The following FAM186A variants were observed in gnomAD, a reference collection of about 807,000 sequenced individuals.
The protein encoded by FAM186A is family with sequence similarity 186 member A.
In FAM186A, 163 loss-of-function variants were observed where a neutral mutation model predicts 216.8. The ratio of observed to expected loss-of-function variants is 0.75; its 90% CI spans 0.66 to 0.86. The LOEUF is 0.86. FAM186A is among the 40% of genes least tolerant of loss of function. The pLI, the probability that FAM186A is intolerant of heterozygous loss-of-function variation, is 0.00. For synonymous variants in FAM186A, 805 were observed against 1,025.3 expected (o/e 0.79, Z 4.10); for missense variants, 2,184 against 2,746.2 (o/e 0.80, Z 4.58).
intron 1 of FAM186A, among the ~76,000 whole-genome samples, chr12:50,384,653 A>G (rs1943285238): frequency 9.8e-6 from 1 of 102,410 alleles, no homozygotes; most frequent in South Asian, 3.3e-4. Flanking sequence ...CACATTTCAC[A>G]GTCGATTGAT....
Position 50,330,751 on chromosome 12 carries a change from C to T in FAM186A, c.6856G>A (p.Glu2286Lys). ...SDICKKFRQQ[E>K]DQTEAIWNVD... ...TTCCAGATGGCCTCTGTCTGGTCCT[C>T]TTGTTGCCTACAGAATCAGCATAAA... Residue 2286 changes from glutamate (E) to lysine (K), a missense_variant, in exon 7 of 8, where the codon GAG becomes AAG. Glu to Lys is a moderately conservative substitution (Grantham distance 56). Transcript: ENST00000327337. The T allele has an allele frequency of 3.3e-6, 5 of 1,516,566 alleles. No individual in the cohort carries two copies. Among genetic ancestry groups the T allele is most frequent in the Non-Finnish European group, 3.5e-6 (4 of 1,135,202 alleles). 93.9% of individuals were successfully genotyped at this position (1,516,566 alleles called of 1,614,324 possible). A position where few individuals can be genotyped will look rare whatever the true frequency, so the allele number is the denominator to read the frequency against.
intron 1 of FAM186A, chr12:50,366,164 A>G (rs984440847): frequency 1.7e-5 from 10 of 593,020 alleles, no homozygotes; most frequent in Non-Finnish European, 2.7e-5. Context: ...TTGCCAAACA[A>G]ATCATCATGC....
intron 1 of FAM186A, chr12:50,366,140 A>G (rs4768854): frequency 0.99 from 565,314 of 569,378 alleles, 280,763 homozygotes; most frequent in East Asian, 1. Context: ...AAAAAAAAGA[A>G]TAAGATTTGG....
chr12:50,376,596 G>A (rs1423992669), intron 1 of FAM186A, among the ~76,000 whole-genome samples: 1 of 152,162 alleles, frequency 6.6e-6, no homozygotes, highest in Non-Finnish European at 1.5e-5. Context: ...GGAAGTGCAT[G>A]CTGACTGGTC....
chr12:50,346,675 G>A (rs1019866892), intron 4 of FAM186A, among the ~76,000 whole-genome samples: 1 of 151,674 alleles, frequency 6.6e-6, no homozygotes, highest in East Asian at 2.0e-4. Flanking sequence ...GTGAAACCCC[G>A]TCTCTACTAA....
rs1470853976 is a variant in FAM186A, at chr12:50,352,687, T to G, written c.4145A>C (p.Glu1382Ala). 2.3e-5 allele frequency: 34 copies of G among 1,466,926 alleles called. No individual in the cohort carries two copies. Among genetic ancestry groups the G allele is most frequent in the African/African-American group, 1.8e-4 (10 of 55,870 alleles). The allele number at this position is 1,466,926 out of a possible 1,614,324, so 90.9% of individuals were successfully genotyped here. ...CTGAGGGGTGAGAGGGATCCCCAGTTCCTGAGCCTGCTGAGTGGTGAGAGG... is the reference window on the plus strand; with the variant it reads ...CTGAGGGGTGAGAGGGATCCCCAGTGCCTGAGCCTGCTGAGTGGTGAGAGG... ...GMPLTTQQAQELGIPLTPQQA... is the reference protein window; with the variant it reads ...GMPLTTQQAQALGIPLTPQQA... The change falls in exon 4 of 8, where the codon GAA (glutamate) becomes GCA (alanine). Residue 1382 changes from glutamate (E) to alanine (A), a missense_variant. Physicochemically the swap from Glu to Ala is moderately radical, Grantham distance 107. Transcript: ENST00000327337.
intron 1 of FAM186A, among the ~76,000 whole-genome samples, chr12:50,368,777 A>T (rs971003482): frequency 3.9e-5 from 6 of 152,178 alleles, no homozygotes; most frequent in African/African-American, 1.4e-4. Flanking sequence ...CTTATTCCAA[A>T]GCTACATTAA....
At position 50,351,870 on chromosome 12, in the gene FAM186A, TA is replaced by T; in HGVS notation, c.4961del (p.Val1654GlufsTer22). ...GAGTGACAGCTGACACCCAGGCATT[TA>T]CTGGGGTGATGGGGACTCCCAGTGC... is the stretch of plus-strand genomic sequence containing the variant. ...AQALGVPITP[V>X]NAWVSAVTLT... is the part of the protein sequence containing the mutation. On this transcript the variant is annotated frameshift_variant, in exon 4 of 8. Coordinates refer to ENST00000327337, the MANE Select transcript of FAM186A (RefSeq NM_001145475.3). LOFTEE classifies it high-confidence loss of function. The T allele has an allele frequency of 6.5e-7, 1 of 1,545,160 alleles. No homozygotes were observed. The highest frequency in any genetic ancestry group is 8.7e-7 in the Non-Finnish European group (1 of 1,143,592).
chr12:50,382,513 A>G (rs1158852724), intron 1 of FAM186A, among the ~76,000 whole-genome samples: 1 of 152,082 alleles, frequency 6.6e-6, no homozygotes, highest in African/African-American at 2.4e-5. Context: ...CAGCCTGGCC[A>G]ACATGGTGAA....
chr12:50,354,414 T>C lies in FAM186A; in HGVS notation c.2418A>G (p.Pro806=), dbSNP rs1942949553. 6.4e-7 allele frequency: 1 copy of C among 1,551,500 alleles called. No individual in the cohort carries two copies. Among genetic ancestry groups the C allele is most frequent in the Non-Finnish European group, 8.7e-7 (1 of 1,147,000 alleles). Residue 806 remains proline (P), a synonymous_variant, in exon 4 of 8, where the codon CCA becomes CCG. Transcript: ENST00000327337. ...GGTCTTTCTGTACTGTTGAGACTGT[T>C]GGAATATCTCTTTCACTTTCTATTT... is the stretch of plus-strand genomic sequence containing the variant. ...LAEIESERDI[P]TVSTVQKDHK... is the part of the protein sequence containing the mutation.
At chr12:50,327,479 A>T (rs1942616840) in intron 7 of FAM186A, 75 bp from the exon 8 acceptor site, 1 of 1,137,552 alleles carries the variant, frequency 8.8e-7, no homozygotes. Context: ...GGTGAGTCAT[A>T]GGGAAAATAA....
rs1449917085 is a variant in FAM186A at position 50,353,453 on chromosome 12, G to T, written c.3379C>A (p.Gln1127Lys). The change falls in exon 4 of 8, where the codon CAG becomes AAG. Residue 1127 changes from glutamine (Q) to lysine (K), a missense_variant. Gln to Lys is a moderately conservative substitution (Grantham distance 53). Transcript: ENST00000327337. ...AGAGGGATCCCCAGGGCCTGCGCCT[G>T]CTGAGGGGTGAAAAGGATCTCCAGG... is the stretch of plus-strand genomic sequence containing the variant. ...QALEILFTPQ[Q>K]AQALGIPLTP... The T allele has an allele frequency of 6.5e-7, 1 of 1,528,378 alleles. No homozygotes were observed. The highest frequency in any genetic ancestry group is 1.2e-5 in the South Asian group (1 of 80,442). The allele number at this position is 1,528,378 out of a possible 1,614,324, so 94.7% of individuals were successfully genotyped here. A position where few individuals can be genotyped will look rare whatever the true frequency, so the allele number is the denominator to read the frequency against.
Position 50,353,678 on chromosome 12 carries a change from G to T in FAM186A, c.3154C>A (p.Pro1052Thr), listed in dbSNP as rs560363822. Residue 1052 changes from proline to threonine, a missense_variant, in exon 4 of 8, where the codon CCC becomes ACC. Transcript: ENST00000327337. ...CCAGGCAGGGAGTATTGTAGGGAGG[G>T]GGGAGGTGTGATTGATATGGGCTCC... ...EKEPISITPP[P>T]SLQYSLPGAL... The T allele has an allele frequency of 3.3e-6, 5 of 1,538,000 alleles. No individual in the cohort carries two copies. The African/African-American group carries it at 4.1e-5, about 13-fold the overall frequency.
intron 1 of FAM186A, among the ~76,000 whole-genome samples, chr12:50,370,779 A>C (rs1943136166): frequency 6.6e-6 from 1 of 152,112 alleles, no homozygotes; most frequent in Admixed American, 6.6e-5. Flanking sequence ...ATGGATAAAC[A>C]AAATGTGGTA....
intron 4 of FAM186A, among the ~76,000 whole-genome samples, chr12:50,341,870 G>T (rs1396541218): frequency 6.6e-6 from 1 of 151,704 alleles, no homozygotes; most frequent in East Asian, 1.9e-4. Flanking sequence ...AGCTGTCAAA[G>T]AACTCCCTTC....
At chr12:50,357,516 A>AAAAAAAAAAAAAAG (rs1555216836) in intron 3 of FAM186A, among the ~76,000 whole-genome samples, 1 of 142,398 alleles carries the variant, frequency 7.0e-6, no homozygotes. Flanking sequence ...AAAAAAAAAA[A>AAAAAAAAAAAAAAG]AAGACACACA....
At chr12:50,379,745 C>T (rs1943237457) in intron 1 of FAM186A, among the ~76,000 whole-genome samples, 2 of 151,636 alleles carry the variant, frequency 1.3e-5, no homozygotes, top group Admixed American at 1.3e-4. Context: ...AAGATCGCGC[C>T]ATTGCACTCC....
intron 1 of FAM186A, among the ~76,000 whole-genome samples, chr12:50,378,867 C>A (rs1301537856): frequency 6.6e-6 from 1 of 152,038 alleles, no homozygotes; most frequent in African/African-American, 2.4e-5. Context: ...GGAGGTACAG[C>A]TTCAACCATA....
chr12:50,330,510 A>C (rs1230351362), intron 7 of FAM186A, 63 bp downstream of exon 7: 1 of 1,499,302 alleles, frequency 6.7e-7, no homozygotes. Flanking sequence ...AAGTCAAGTT[A>C]GGGAACCAAA....
Sources: allele counts gnomAD v4.1 joint callset (sites outside exome capture counted in the v4.1 genomes callset), GRCh38; gene constraint gnomAD v4.1.1; transcripts MANE v1.5; gene names NCBI Gene and HGNC (gene_info 2026-07-23, HGNC 2026-07-21).